LRRK2: variants seen among roughly 807,000 people sequenced by gnomAD.
LRRK2 encodes leucine rich repeat kinase 2, also known as leucine-rich repeat serine/threonine-protein kinase 2.
A neutral mutation model predicts 302.6 loss-of-function variants in LRRK2; 203 were observed. That is an observed-to-expected ratio of 0.67 (90% CI 0.60 to 0.75). The LOEUF is 0.75. Ranked by LOEUF, LRRK2 falls within the 30% of genes least tolerant of loss-of-function variation. The pLI is 0.00. For missense variants in LRRK2, 2,830 were observed against 2,951.0 expected, an observed-to-expected ratio of 0.96 and a Z score of 0.95; for synonymous variants, 1,066 against 1,031.9, an observed-to-expected ratio of 1.03 and a Z score of -0.63.
intron 6 of LRRK2, among the ~76,000 whole-genome samples, chr12:40,242,235 T>C (rs1247458462): frequency 6.6e-6 from 1 of 152,200 alleles, no homozygotes; most frequent in Non-Finnish European, 1.5e-5. Flanking sequence ...TTGTTAATTT[T>C]TTTTCTATGT....
chr12:40,233,027 T>C (rs924749148), intron 3 of LRRK2, among the ~76,000 whole-genome samples: 3 of 152,194 alleles, frequency 2.0e-5, no homozygotes, highest in Non-Finnish European at 2.9e-5. Flanking sequence ...GAAGAATGTG[T>C]TTCCAGGAAA....
intron 4 of LRRK2, 62 bp downstream of exon 4, chr12:40,235,776 TA>T: frequency 1.2e-6 from 1 of 841,944 alleles, no homozygotes. Context: ...TACCATTAAG[TA>T]AATGTGTGTG....
At chr12:40,302,535 G>C (rs1322719092) in intron 25 of LRRK2, among the ~76,000 whole-genome samples, 1 of 152,074 alleles carries the variant, frequency 6.6e-6, no homozygotes, top group Non-Finnish European at 1.5e-5. Context: ...CAAATGTTGG[G>C]TAGACAAATT....
At chr12:40,330,076 T>C (rs1198476286) in intron 39 of LRRK2, among the ~76,000 whole-genome samples, 1 of 152,226 alleles carries the variant, frequency 6.6e-6, no homozygotes, top group Non-Finnish European at 1.5e-5. Flanking sequence ...TGTGCAGTGA[T>C]TAATCTATGA....
At chr12:40,328,263 C>G in intron 38 of LRRK2, 97 bp from the exon 39 acceptor site, 3 of 935,850 alleles carry the variant, frequency 3.2e-6, no homozygotes, top group Non-Finnish European at 3.4e-6. Context: ...GGTTTCTATT[C>G]AAATTTACAA....
rs11564149 is a variant in LRRK2 at position 40,308,362 on chromosome 12, C to T, written c.3960-105C>T. 0.11 allele frequency: 91,913 copies of T among 841,374 alleles called. 6,075 individuals are homozygous for T. The highest frequency in any genetic ancestry group is 0.19 in the African/African-American group (10,876 of 58,480). 52.1% of individuals were successfully genotyped at this position (841,374 alleles called of 1,614,324 possible). On this transcript the variant is annotated intron_variant, in intron 28 of 50. Coordinates refer to ENST00000298910, the MANE Select transcript of LRRK2 (RefSeq NM_198578.4). Reference sequence around the variant, plus strand: ...TTAGTTATATGAGATATGCACTCTTCTGGATACTATATTTTAGAATAGTGT... The same window carrying T: ...TTAGTTATATGAGATATGCACTCTTTTGGATACTATATTTTAGAATAGTGT...
At chr12:40,244,892 TA>T (rs1941908017) in intron 7 of LRRK2, among the ~76,000 whole-genome samples, 1 of 150,132 alleles carries the variant, frequency 6.7e-6, no homozygotes, top group African/African-American at 2.4e-5. Flanking sequence ...ATAATAATTT[TA>T]AAAAAAAGGA....
rs1270021239 is a variant in LRRK2, at chr12:40,321,035, T to G, written c.5017T>G (p.Leu1673Val). The G allele has an allele frequency of 1.9e-6, 3 of 1,612,464 alleles. No individual in the cohort carries two copies. Among genetic ancestry groups the G allele is most frequent in the Non-Finnish European group, 2.5e-6 (3 of 1,178,840 alleles). Residue 1673 changes from leucine (L) to valine (V), a missense_variant and splice_region_variant, in exon 35 of 51, where the codon TTG becomes GTG. Around this residue, in one of 3 missense-constraint regions of LRRK2, gnomAD observed 2,121 missense variants for 2,148.0 expected, o/e 0.99. Transcript: ENST00000298910. ...ACCATAGTGTCCTTTTGCCTTTAGT[T>G]TGTCTGACCACAGGCCTGTGATAGA... ...GEEYLLVPSS[L>V]SDHRPVIELP...
intron 20 of LRRK2, among the ~76,000 whole-genome samples, chr12:40,291,374 C>T (rs2136694673): frequency 6.6e-6 from 1 of 151,446 alleles, no homozygotes. Context: ...CACATGTATA[C>T]ATATGTAACA....
intron 5 of LRRK2, among the ~76,000 whole-genome samples, chr12:40,238,940 A>G (rs1565671033): frequency 6.6e-6 from 1 of 152,210 alleles, no homozygotes; most frequent in Non-Finnish European, 1.5e-5. Flanking sequence ...AAAATAGGTG[A>G]AGGGACAATA....
Position 40,313,982 on chromosome 12 carries a change from A to AGCTTGTT in LRRK2, c.4549_4555dup (p.Val1519AlafsTer15). On this transcript the variant is annotated frameshift_variant, in exon 32 of 51. Coordinates refer to ENST00000298910, the MANE Select transcript of LRRK2 (RefSeq NM_198578.4). LOFTEE classifies it high-confidence loss of function. ...TTTGTAATTTCATAGATCCGAGATC[A>AGCTTGTT]GCTTGTTGTTGGACAGCTGATTCCA... 1 of 1,611,334 alleles carries AGCTTGTT rather than the reference A, an allele frequency of 6.2e-7. No homozygotes were observed. The highest frequency in any genetic ancestry group is 8.5e-7 in the Non-Finnish European group (1 of 1,178,596).
chr12:40,253,558 T>G (rs1942374855), intron 11 of LRRK2, among the ~76,000 whole-genome samples: 1 of 152,150 alleles, frequency 6.6e-6, no homozygotes, highest in South Asian at 2.1e-4. Context: ...GCTAATTTTT[T>G]GCAGAGATGG....
chr12:40,235,623 C>A lies in LRRK2; in HGVS notation c.348-3C>A. ...TTATCTTGATTTCTGTTTTTAACTCCAGATTGATTCTTAAAATGCTAACAG... is the reference window on the plus strand; with the variant it reads ...TTATCTTGATTTCTGTTTTTAACTCAAGATTGATTCTTAAAATGCTAACAG... On this transcript the variant is annotated splice_polypyrimidine_tract_variant and splice_region_variant and intron_variant, in intron 3 of 50. Transcript: ENST00000298910. 6.3e-7 allele frequency: 1 copy of A among 1,584,618 alleles called. No individual in the cohort carries two copies. The highest frequency in any genetic ancestry group is 8.7e-7 in the Non-Finnish European group (1 of 1,153,368).
chr12:40,227,481 G>C (rs1161933939), intron 2 of LRRK2, among the ~76,000 whole-genome samples: 1 of 151,980 alleles, frequency 6.6e-6, no homozygotes, highest in Non-Finnish European at 1.5e-5. Flanking sequence ...TCCAGTCTCT[G>C]GTAACCACCA....
chr12:40,280,332 G>A (rs1943634505), intron 18 of LRRK2, among the ~76,000 whole-genome samples: 1 of 151,982 alleles, frequency 6.6e-6, no homozygotes, highest in Non-Finnish European at 1.5e-5. Flanking sequence ...GCACACACAT[G>A]TAGTCCTAGC....
At chr12:40,361,703 C>G (rs1447592345) in intron 47 of LRRK2, among the ~76,000 whole-genome samples, 1 of 152,082 alleles carries the variant, frequency 6.6e-6, no homozygotes, top group African/African-American at 2.4e-5. Flanking sequence ...AGATGCTCAT[C>G]TCCCAAAAGA....
chr12:40,308,954 A>G, intron 29 of LRRK2, 152 bp from the exon 30 acceptor site: 1 of 983,278 alleles, frequency 1.0e-6, no homozygotes, highest in Non-Finnish European at 1.5e-6. Context: ...CCTAGTAAAA[A>G]CCCAGAATAG....
At chr12:40,356,520 T>A (rs1477686864) in intron 46 of LRRK2, among the ~76,000 whole-genome samples, 1 of 152,220 alleles carries the variant, frequency 6.6e-6, no homozygotes, top group Non-Finnish European at 1.5e-5. Flanking sequence ...TACTTAAGTT[T>A]TAAATATGGC....
At chr12:40,267,110 C>G (rs1046452032) in intron 14 of LRRK2, among the ~76,000 whole-genome samples, 1 of 152,076 alleles carries the variant, frequency 6.6e-6, no homozygotes, top group Non-Finnish European at 1.5e-5. Flanking sequence ...TTGTGCACAT[C>G]TACCCTAAAA....
Sources: allele counts gnomAD v4.1 joint callset (sites outside exome capture counted in the v4.1 genomes callset), GRCh38; gene constraint gnomAD v4.1.1; regional missense constraint gnomAD v4.1.1; transcripts MANE v1.5; gene names NCBI Gene and HGNC (gene_info 2026-07-23, HGNC 2026-07-21).